FREM1: variants seen among roughly 807,000 people sequenced by gnomAD.
FREM1 encodes the protein FRAS1 related extracellular matrix 1, also known as FRAS1-related extracellular matrix protein 1.
FREM1 carries 220 observed loss-of-function variants against 210.1 expected under a neutral mutation model. The ratio of observed to expected loss-of-function variants is 1.05; its 90% CI spans 0.94 to 1.17. The LOEUF (loss-of-function observed/expected upper bound fraction) is 1.17. Among genes scored for constraint, FREM1 ranks in the 50% most tolerant of loss-of-function variants. The pLI is 0.00. For synonymous variants in FREM1, 1,189 were observed against 980.2 expected (o/e 1.21, Z -3.98); for missense variants, 3,454 against 2,675.5 (o/e 1.29, Z -6.42).
Position 14,808,150 on chromosome 9 carries a change from A to G in FREM1, c.2894-16T>C. 1.3e-6 allele frequency: 2 copies of G among 1,535,542 alleles called. No individual in the cohort carries two copies. ...ATCTCGCCACCTGGAAGACACAACTATAGCTGAAACCTGCCTTTTAAAAAA... is the reference window on the plus strand; with the variant it reads ...ATCTCGCCACCTGGAAGACACAACTGTAGCTGAAACCTGCCTTTTAAAAAA... On this transcript the variant is annotated splice_polypyrimidine_tract_variant and intron_variant, in intron 16 of 36. Coordinates refer to ENST00000380880, the MANE Select transcript of FREM1 (RefSeq NM_001379081.2).
rs1192439345 is a variant in FREM1 at position 14,836,918 on chromosome 9, C to T, written c.1881+4529G>A. 6.6e-6 allele frequency among the ~76,000 whole-genome samples: 1 copy of T among 152,150 alleles called. No individual in the cohort carries two copies. Among genetic ancestry groups the T allele is most frequent in the African/African-American group, 2.4e-5 (1 of 41,442 alleles). Reference sequence around the variant, plus strand: ...ATTAAGAAAAAGAAATTATTTTATGCAGATAGAGAGGAAAAGGGGTCCTTG... The same window carrying T: ...ATTAAGAAAAAGAAATTATTTTATGTAGATAGAGAGGAAAAGGGGTCCTTG... On this transcript the variant is annotated intron_variant, in intron 10 of 36. Coordinates refer to ENST00000380880, the MANE Select transcript of FREM1 (RefSeq NM_001379081.2). The surrounding 1 kb of genome is among the most constrained non-coding windows in gnomAD (Gnocchi z 4.9).
intron 1 of FREM1, among the ~76,000 whole-genome samples, chr9:14,871,476 T>A (rs1194382066): frequency 6.6e-6 from 1 of 152,154 alleles, no homozygotes; most frequent in Non-Finnish European, 1.5e-5. Flanking sequence ...TCTGTTCATA[T>A]CCTTCGCCCA....
rs750509181 is a variant in FREM1 at position 14,737,477 on chromosome 9, C to A, written c.6459G>T (p.Leu2153Phe). ...QRSKLGKSCV[L>F]VQRQGKWQTK... ...TTTGCCATTTCCCTTGTCTTTGAAC[C>A]AAAACACAGCTCTTTCCAAGCTTGG... Residue 2153 changes from leucine to phenylalanine, a missense_variant, in exon 37 of 37, where the codon TTG becomes TTT. Transcript: ENST00000380880. The A allele has an allele frequency of 8.1e-6, 13 of 1,613,628 alleles. No homozygotes were observed. In the African/African-American group the frequency reaches 9.3e-5, roughly 12 times the overall value.
chr9:14,909,205 G>A (rs1379367047), intron 1 of FREM1, among the ~76,000 whole-genome samples: 1 of 152,040 alleles, frequency 6.6e-6, no homozygotes, highest in Non-Finnish European at 1.5e-5. Context: ...AAAAAAATCA[G>A]AAACTAAAAT....
intron 23 of FREM1, among the ~76,000 whole-genome samples, chr9:14,786,585 T>C (rs1433972260): frequency 6.6e-6 from 1 of 152,224 alleles, no homozygotes; most frequent in Non-Finnish European, 1.5e-5. Context: ...GAGTTGCTAC[T>C]GGCTTCTAGA....
intron 1 of FREM1, among the ~76,000 whole-genome samples, chr9:14,898,516 C>A (rs900946896): frequency 2.2e-4 from 33 of 152,124 alleles, no homozygotes; most frequent in African/African-American, 4.8e-4. Flanking sequence ...CTGAGGTGGG[C>A]AGATCACTTG....
At chr9:14,887,254 T>C (rs963885858) in intron 1 of FREM1, among the ~76,000 whole-genome samples, 1 of 152,172 alleles carries the variant, frequency 6.6e-6, no homozygotes, top group Non-Finnish European at 1.5e-5. Flanking sequence ...TGGCACCTAC[T>C]GACCTTACAA....
chr9:14,875,804 T>C (rs1358917468), intron 1 of FREM1, among the ~76,000 whole-genome samples: 1 of 152,140 alleles, frequency 6.6e-6, no homozygotes, highest in Admixed American at 6.5e-5. Context: ...ATCTTTGTGG[T>C]TTTATCTACT....
intron 16 of FREM1, 70 bp from the exon 17 acceptor site, chr9:14,808,204 C>A: frequency 1.0e-6 from 1 of 976,052 alleles, no homozygotes; most frequent in Non-Finnish European, 1.5e-6. Flanking sequence ...AATCTACTCA[C>A]ACCTCTTCTA....
intron 16 of FREM1, among the ~76,000 whole-genome samples, chr9:14,810,934 T>C (rs1057439277): frequency 5.3e-5 from 8 of 152,342 alleles, no homozygotes; most frequent in East Asian, 1.9e-4. Flanking sequence ...ATTATTTTTA[T>C]ACTTATAGAA....
Position 14,823,232 on chromosome 9 carries a change from G to A in FREM1, c.2265C>T (p.Asn755=), listed in dbSNP as rs1460476204. The change falls in exon 13 of 37, where the codon AAC becomes AAT. Residue 755 remains asparagine, a synonymous_variant. Transcript: ENST00000380880. The stretch of plus-strand genomic sequence containing the variant: ...TCCCATGCAAAGTACCGCCATGTTG[G>A]TTACTGACAGAAAATGTGAACTGGA... ...RDVQFTFSVS[N]QHGGTLHGIC... is the part of the protein sequence containing the mutation. 1.9e-6 allele frequency: 3 copies of A among 1,613,908 alleles called. No individual in the cohort carries two copies. The highest frequency in any genetic ancestry group is 2.5e-6 in the Non-Finnish European group (3 of 1,179,824).
At chr9:14,767,125 A>T (rs77465867) in intron 27 of FREM1, among the ~76,000 whole-genome samples, 68 of 152,294 alleles carry the variant, frequency 4.5e-4, no homozygotes, top group African/African-American at 1.6e-3. Flanking sequence ...TTACTAGATG[A>T]AGGGCAGAGC....
At chr9:14,871,643 A>G (rs1172147712) in intron 1 of FREM1, among the ~76,000 whole-genome samples, 13 of 152,196 alleles carry the variant, frequency 8.5e-5, no homozygotes, top group Middle Eastern at 3.4e-3. Flanking sequence ...TGCTGTGCAG[A>G]AGCTCTTTAG....
chr9:14,786,991 G>A (rs1265368323), intron 23 of FREM1, among the ~76,000 whole-genome samples: 1 of 152,170 alleles, frequency 6.6e-6, no homozygotes, highest in Non-Finnish European at 1.5e-5. Flanking sequence ...CACTGTAAGG[G>A]CAGAGTGTAG....
chr9:14,882,188 A>T (rs1834914660), intron 1 of FREM1, among the ~76,000 whole-genome samples: 1 of 152,012 alleles, frequency 6.6e-6, no homozygotes, highest in African/African-American at 2.4e-5. Context: ...TTTTGTATTA[A>T]TTTTGTTTAG....
At position 14,747,986 on chromosome 9, in the gene FREM1, T is replaced by C. The variant is rs75798907; in HGVS notation, c.5797-258A>G. Among the ~76,000 whole-genome samples, 1,831 of 152,252 alleles carry C rather than the reference T, an allele frequency of 0.012. 96 individuals carry two copies. In the East Asian group the frequency reaches 0.17, roughly 14 times the overall value. ...TCTTTATTTTTTGGTATATCTATAG[T>C]ACACAGGTCCAAGAACACACACACA... On this transcript the variant is annotated intron_variant, in intron 31 of 36. Transcript: ENST00000380880.
intron 1 of FREM1, among the ~76,000 whole-genome samples, chr9:14,896,544 C>CAA (rs59464900): frequency 1.9e-4 from 16 of 82,540 alleles, no homozygotes; most frequent in East Asian, 1.2e-3. Context: ...GACTCCATCT[C>CAA]AAAAAAAAAA....
At chr9:14,825,377 A>G (rs1190921150) in intron 10 of FREM1, among the ~76,000 whole-genome samples, 1 of 150,268 alleles carries the variant, frequency 6.7e-6, no homozygotes, top group Non-Finnish European at 1.5e-5. Context: ...AATCCCAGCT[A>G]CTCGGCAGGC....
intron 23 of FREM1, among the ~76,000 whole-genome samples, chr9:14,786,037 G>C (rs911113963): frequency 1.3e-5 from 2 of 152,068 alleles, no homozygotes; most frequent in African/African-American, 4.8e-5. Context: ...TTCACCTGAC[G>C]TCCATTACCA....
Sources: gnomAD v4.1 joint callset for allele counts (sites outside exome capture counted in the v4.1 genomes callset) on GRCh38, gnomAD v4.1.1 for gene constraint, Gnocchi (gnomAD v3.1) non-coding constraint, MANE v1.5 for transcripts, NCBI Gene and HGNC (gene_info 2026-07-23, HGNC 2026-07-21) for gene names.